Variants in SLC16A7 observed in about 807,000 individuals in gnomAD.
The protein encoded by SLC16A7 is solute carrier family 16 member 7, also known as monocarboxylate transporter 2.
A neutral mutation model predicts 34.9 loss-of-function variants in SLC16A7; 33 were observed. The observed-to-expected ratio is 0.94, with a 90% CI of 0.72 to 1.26. SLC16A7 has a LOEUF of 1.26. Ranked by LOEUF, SLC16A7 falls within the 50% of genes most tolerant of loss-of-function variation. The pLI is 0.00. For missense variants in SLC16A7, 573 were observed against 578.1 expected (o/e 0.99, Z 0.09); for synonymous variants, 201 against 206.6 (o/e 0.97, Z 0.23).
intron 3 of SLC16A7, among the ~76,000 whole-genome samples, chr12:59,739,824 T>A (rs1356425313): frequency 6.6e-6 from 1 of 152,266 alleles, no homozygotes; most frequent in Non-Finnish European, 1.5e-5. Flanking sequence ...ATGTGTTTTT[T>A]GGCTGCATAA....
intron 3 of SLC16A7, among the ~76,000 whole-genome samples, chr12:59,729,985 G>T (rs1363108902): frequency 6.6e-6 from 1 of 152,140 alleles, no homozygotes; most frequent in African/African-American, 2.4e-5. Flanking sequence ...TGAGTAGTCT[G>T]CAAGCTTTCA....
rs185908914 is a variant in SLC16A7, at chr12:59,711,431, A to G, written c.217+6413A>G. 1.8e-3 allele frequency among the ~76,000 whole-genome samples: 279 copies of G among 152,332 alleles called. 2 individuals are homozygous for G. The highest frequency in any genetic ancestry group is 6.5e-3 in the African/African-American group (269 of 41,582). On this transcript the variant is annotated intron_variant, in intron 3 of 5. Transcript: ENST00000547379. ...ATAGATAGGTTACATGTCAAAATGC[A>G]TATATCATATTTGGAAACTATTGCC...
At chr12:59,749,323 CT>C (rs1879243006) in intron 3 of SLC16A7, among the ~76,000 whole-genome samples, 1 of 152,138 alleles carries the variant, frequency 6.6e-6, no homozygotes, top group African/African-American at 2.4e-5. Context: ...AATGAGAACC[CT>C]TTTTCTGTAT....
chr12:59,698,522 C>T, intron 2 of SLC16A7, among the ~76,000 whole-genome samples: 1 of 151,762 alleles, frequency 6.6e-6, no homozygotes, highest in South Asian at 2.1e-4. Context: ...GCAGGAATGG[C>T]AGAGTCATGG....
intron 1 of SLC16A7, among the ~76,000 whole-genome samples, chr12:59,620,238 C>G (rs1234887868): frequency 6.6e-6 from 1 of 151,478 alleles, no homozygotes; most frequent in African/African-American, 2.4e-5. Flanking sequence ...TCATGTTATT[C>G]TGTTTTGCCA....
At chr12:59,718,532 G>A (rs1236854529) in intron 3 of SLC16A7, among the ~76,000 whole-genome samples, 1 of 151,988 alleles carries the variant, frequency 6.6e-6, no homozygotes, top group Admixed American at 6.6e-5. Context: ...AAATGCCCAT[G>A]GTTTATTTGT....
At chr12:59,696,560 G>A (rs1209568240) in intron 2 of SLC16A7, 1 of 151,984 alleles carries the variant, frequency 6.6e-6, no homozygotes, top group African/African-American at 2.4e-5. Flanking sequence ...TTTCTTGGCT[G>A]TGCTTACAAG....
intron 2 of SLC16A7, among the ~76,000 whole-genome samples, chr12:59,660,239 A>T (rs1297452160): frequency 6.6e-6 from 1 of 152,052 alleles, no homozygotes; most frequent in Non-Finnish European, 1.5e-5. Context: ...CCTAGTGAAC[A>T]GGCTGAGGCC....
intron 1 of SLC16A7, among the ~76,000 whole-genome samples, chr12:59,638,700 C>T (rs1418932564): frequency 1.3e-5 from 2 of 152,020 alleles, no homozygotes; most frequent in Non-Finnish European, 2.9e-5. Context: ...GCTGTTTTGG[C>T]CTACAATTAA....
intron 1 of SLC16A7, among the ~76,000 whole-genome samples, chr12:59,613,271 C>G (rs977817208): frequency 2.0e-5 from 3 of 152,184 alleles, no homozygotes; most frequent in African/African-American, 7.2e-5. Flanking sequence ...CTTGTGAGAA[C>G]TCACTCACTA....
rs765402513 is a variant in SLC16A7, at chr12:59,775,125, T to C, written c.830T>C (p.Ile277Thr). The change falls in exon 5 of 6, where the codon ATT (isoleucine) becomes ACT (threonine). Residue 277 changes from isoleucine (I) to threonine (T), a missense_variant. By Grantham distance (89) the Ile-to-Thr change is moderately conservative (BLOSUM62 -1). Transcript: ENST00000547379. The stretch of plus-strand genomic sequence containing the variant: ...GCTCCATATGCTAAAGACCAAGGAA[T>C]TGATGAGTACTCGGCAGCTTTTCTG... ...FLAPYAKDQGIDEYSAAFLLS... is the reference protein window; with the variant it reads ...FLAPYAKDQGTDEYSAAFLLS... 8 of 1,614,044 alleles carry C rather than the reference T, an allele frequency of 5.0e-6. No individual in the cohort carries two copies. The highest frequency in any genetic ancestry group is 6.8e-6 in the Non-Finnish European group (8 of 1,180,024).
At chr12:59,705,779 C>A (rs144474395) in intron 3 of SLC16A7, among the ~76,000 whole-genome samples, 42 of 151,814 alleles carry the variant, frequency 2.8e-4, no homozygotes, top group Non-Finnish European at 5.3e-4. Flanking sequence ...TGTCTTTTAG[C>A]GTTTTTATTT....
chr12:59,678,259 T>C (rs959902827), intron 2 of SLC16A7, among the ~76,000 whole-genome samples: 7 of 152,214 alleles, frequency 4.6e-5, no homozygotes, highest in African/African-American at 1.7e-4. Context: ...TACAGTTCTT[T>C]TAGCCCCACC....
At chr12:59,766,094 C>G (rs912307034) in intron 3 of SLC16A7, among the ~76,000 whole-genome samples, 1 of 152,136 alleles carries the variant, frequency 6.6e-6, no homozygotes, top group Non-Finnish European at 1.5e-5. Context: ...CTCTTTGAAG[C>G]AATTGTGAAT....
At chr12:59,686,746 A>G (rs1014743379) in intron 2 of SLC16A7, among the ~76,000 whole-genome samples, 4 of 152,116 alleles carry the variant, frequency 2.6e-5, no homozygotes, top group African/African-American at 9.7e-5. Flanking sequence ...TTTCCCTGCT[A>G]CATTCCCGAC....
At chr12:59,629,511 A>C (rs1488188947) in intron 1 of SLC16A7, among the ~76,000 whole-genome samples, 1 of 151,962 alleles carries the variant, frequency 6.6e-6, no homozygotes, top group Non-Finnish European at 1.5e-5. Flanking sequence ...TTAAACTATT[A>C]AAATTATCTA....
intron 1 of SLC16A7, among the ~76,000 whole-genome samples, chr12:59,629,354 G>A (rs1880077166): frequency 6.6e-6 from 1 of 151,770 alleles, no homozygotes; most frequent in Non-Finnish European, 1.5e-5. Flanking sequence ...ACAGTACTTG[G>A]AGAATCCAGG....
At chr12:59,646,409 G>A (rs888307616) in intron 1 of SLC16A7, among the ~76,000 whole-genome samples, 3 of 152,198 alleles carry the variant, frequency 2.0e-5, no homozygotes, top group Non-Finnish European at 4.4e-5. Flanking sequence ...CTTAGGCTTG[G>A]AAGCTTCCAC....
intron 3 of SLC16A7, among the ~76,000 whole-genome samples, chr12:59,737,082 T>C (rs1466770769): frequency 1.3e-5 from 2 of 152,184 alleles, no homozygotes; most frequent in Non-Finnish European, 2.9e-5. Context: ...AAGACTCAGA[T>C]AACATCTGTG....
Sources: gnomAD v4.1 joint callset for allele counts (sites outside exome capture counted in the v4.1 genomes callset) on GRCh38, gnomAD v4.1.1 for gene constraint, MANE v1.5 for transcripts, NCBI Gene and HGNC (gene_info 2026-07-23, HGNC 2026-07-21) for gene names.